MMD: variants seen among roughly 807,000 people sequenced by gnomAD.
MMD encodes the protein monocyte to macrophage differentiation associated, also known as monocyte to macrophage differentiation factor.
A neutral mutation model predicts 33.6 loss-of-function variants in MMD; 22 were observed. The ratio of observed to expected loss-of-function variants is 0.66; its 90% CI spans 0.47 to 0.94. The LOEUF (loss-of-function observed/expected upper bound fraction) is 0.94. MMD is among the 40% of genes least tolerant of loss of function. MMD has a pLI of 0.00. For missense variants in MMD, 242 were observed against 309.8 expected (o/e 0.78, Z 1.64); for synonymous variants, 97 against 103.2 (o/e 0.94, Z 0.36).
At chr17:55,411,133 G>T in intron 3 of MMD, 124 bp downstream of exon 3, 1 of 1,108,496 alleles carries the variant, frequency 9.0e-7, no homozygotes, top group Non-Finnish European at 1.3e-6. Context: ...TAGTATTCTA[G>T]TCTACAAGGC....
intron 5 of MMD, among the ~76,000 whole-genome samples, chr17:55,401,802 G>A (rs1270098177): frequency 2.0e-5 from 3 of 152,096 alleles, no homozygotes; most frequent in African/African-American, 7.2e-5. Flanking sequence ...GGCCGGGCAC[G>A]GTGGCTCATG....
intron 4 of MMD, chr17:55,404,325 A>G (rs1414039722): frequency 2.3e-6 from 1 of 432,050 alleles, no homozygotes; most frequent in Non-Finnish European, 3.1e-6. Context: ...ACTGCACTCC[A>G]GTCTGGGCGA....
At chr17:55,403,703 G>T (rs932396852) in intron 5 of MMD, 64 bp downstream of exon 5, 3 of 1,110,572 alleles carry the variant, frequency 2.7e-6, no homozygotes, top group African/African-American at 1.6e-5. Flanking sequence ...AAATTGTATT[G>T]CAGTGCAGAT....
In MMD at chr17:55,415,866, T is replaced by C. The variant is rs76018144; in HGVS notation, c.27-1634A>G. 3.3e-3 allele frequency among the ~76,000 whole-genome samples: 509 copies of C among 152,362 alleles called. 5 individuals carry two copies. Among genetic ancestry groups the C allele is most frequent in the African/African-American group, 0.012 (493 of 41,578 alleles). On this transcript the variant is annotated intron_variant, in intron 1 of 6. Coordinates refer to ENST00000262065, the MANE Select transcript of MMD (RefSeq NM_012329.3). ...ATATACAGTTAGTAGCTTCAAAATT[T>C]ATCCAAGCTATTCTCAAATATAGTT...
intron 1 of MMD, among the ~76,000 whole-genome samples, chr17:55,418,798 G>C (rs1414400385): frequency 6.6e-6 from 1 of 152,244 alleles, no homozygotes; most frequent in Admixed American, 6.5e-5. Context: ...TAATACTGTA[G>C]ATTAAAATGC....
rs1907019560 is a variant in MMD at position 55,394,296 on chromosome 17, T to C, written c.*38A>G. The C allele has an allele frequency of 5.3e-6, 7 of 1,308,418 alleles. No homozygotes were observed. In the South Asian group the frequency reaches 9.0e-5, roughly 17 times the overall value. 81.1% of individuals were successfully genotyped at this position (1,308,418 alleles called of 1,614,324 possible). ...CTCACCCCACTCCCAAGTGCCATAA[T>C]TGAAATAATACTGGTTTGGAGAATT... On this transcript the variant is annotated 3_prime_UTR_variant, in exon 7 of 7. Transcript: ENST00000262065.
At chr17:55,412,192 A>C (rs935093640) in intron 2 of MMD, among the ~76,000 whole-genome samples, 2 of 152,230 alleles carry the variant, frequency 1.3e-5, no homozygotes, top group Non-Finnish European at 2.9e-5. Context: ...CAAATCAAGT[A>C]ATAGGTATTA....
chr17:55,409,140 T>C (rs1907666367), intron 3 of MMD, among the ~76,000 whole-genome samples: 1 of 152,248 alleles, frequency 6.6e-6, no homozygotes, highest in African/African-American at 2.4e-5. Flanking sequence ...CATCAGAAGC[T>C]ATAGCATACC....
At chr17:55,400,848 A>G (rs988535946) in intron 6 of MMD, among the ~76,000 whole-genome samples, 1 of 152,196 alleles carries the variant, frequency 6.6e-6, no homozygotes, top group African/African-American at 2.4e-5. Flanking sequence ...TATACATGCA[A>G]CTGCCTATTA....
chr17:55,400,157 T>G (rs1907270257), intron 6 of MMD, among the ~76,000 whole-genome samples: 1 of 152,230 alleles, frequency 6.6e-6, no homozygotes, highest in South Asian at 2.1e-4. Flanking sequence ...TTTTGTTATA[T>G]TCTCATGAAG....
chr17:55,421,581 G>A, intron 1 of MMD, 89 bp downstream of exon 1: 1 of 1,554,138 alleles, frequency 6.4e-7, no homozygotes, highest in Non-Finnish European at 8.7e-7. Context: ...ATGAATCCAG[G>A]TGAGGAGCCG....
At chr17:55,404,798 A>G (rs866734800) in intron 4 of MMD, 1 of 980,872 alleles carries the variant, frequency 1.0e-6, no homozygotes, top group African/African-American at 1.7e-5. Flanking sequence ...ACAGTGGCTC[A>G]CACCTGTAAT....
intron 2 of MMD, 24 bp downstream of exon 2, chr17:55,414,127 C>A: frequency 1.2e-6 from 2 of 1,610,554 alleles, no homozygotes; most frequent in Non-Finnish European, 1.7e-6. Context: ...GAAAGGATGG[C>A]AATGGTGGAA....
At chr17:55,403,439 G>T (rs1907422699) in intron 5 of MMD, among the ~76,000 whole-genome samples, 1 of 152,206 alleles carries the variant, frequency 6.6e-6, no homozygotes, top group Middle Eastern at 3.4e-3. Context: ...TTGACAAGTG[G>T]CTGGTTTTCT....
rs1165740060 is a variant in MMD, at chr17:55,392,922, CCT to C, written c.*1410_*1411del. On this transcript the variant is annotated 3_prime_UTR_variant, in exon 7 of 7. Coordinates refer to ENST00000262065, the MANE Select transcript of MMD (RefSeq NM_012329.3). ...GAGTTCTAAACATATACAAAATAAA[CCT>C]CTTTTAAAGCCACATCAGTAAAAAA... 6.6e-6 allele frequency: 1 copy of C among 152,008 alleles called. No homozygotes were observed. The highest frequency in any genetic ancestry group is 1.5e-5 in the Non-Finnish European group (1 of 68,000). 9.4% of individuals were successfully genotyped at this position (152,008 alleles called of 1,614,324 possible).
intron 6 of MMD, among the ~76,000 whole-genome samples, chr17:55,400,439 C>T (rs1406575852): frequency 6.6e-6 from 1 of 151,644 alleles, no homozygotes; most frequent in Non-Finnish European, 1.5e-5. Context: ...ATCTCAGCTA[C>T]TTAGGAGGCT....
intron 6 of MMD, among the ~76,000 whole-genome samples, chr17:55,395,436 G>T (rs1478969262): frequency 2.6e-5 from 4 of 152,238 alleles, no homozygotes; most frequent in African/African-American, 9.6e-5. Context: ...GGGGATAGGT[G>T]TGTGGGTGTC....
chr17:55,392,668 A>G lies in MMD; in HGVS notation c.*1666T>C, dbSNP rs748399083. The G allele has an allele frequency of 6.6e-5, 10 of 152,648 alleles. No homozygotes were observed. The highest frequency in any genetic ancestry group is 1.5e-4 in the Non-Finnish European group (10 of 68,030). 9.5% of individuals were successfully genotyped at this position (152,648 alleles called of 1,614,324 possible). A position where few individuals can be genotyped will look rare whatever the true frequency, so the allele number is the denominator to read the frequency against. On this transcript the variant is annotated 3_prime_UTR_variant, in exon 7 of 7. Transcript: ENST00000262065. ...AGTATACAGCACAATTTTTACATAC[A>G]TATTAGTGGTTTTGACAGTGTTACT...
chr17:55,410,949 TTA>T (rs1312139319), intron 3 of MMD, among the ~76,000 whole-genome samples: 2 of 152,206 alleles, frequency 1.3e-5, no homozygotes, highest in Admixed American at 1.3e-4. Context: ...CATCATATCC[TTA>T]GTGTGCTTGA....
Sources: allele counts gnomAD v4.1 joint callset (sites outside exome capture counted in the v4.1 genomes callset), GRCh38; gene constraint gnomAD v4.1.1; transcripts MANE v1.5; gene names NCBI Gene and HGNC (gene_info 2026-07-23, HGNC 2026-07-21).